Variants in SLCO1A2 observed in about 807,000 individuals in gnomAD.
SLCO1A2 encodes OATP-1.
SLCO1A2 carries 67 observed loss-of-function variants against 69.0 expected under a neutral mutation model. The observed-to-expected ratio is 0.97, with a 90% CI of 0.80 to 1.19. The LOEUF (loss-of-function observed/expected upper bound fraction) is 1.19, where lower values mean the gene tolerates loss of function less well. SLCO1A2 is among the 50% of genes most tolerant of loss of function. The pLI is 0.00. For missense variants in SLCO1A2, 787 were observed against 793.7 expected, an observed-to-expected ratio of 0.99 and a Z score of 0.10; for synonymous variants, 260 against 265.9, an observed-to-expected ratio of 0.98 and a Z score of 0.22.
At chr12:21,405,743 T>C (rs1377690099) in intron 1 of SLCO1A2, among the ~76,000 whole-genome samples, 1 of 152,170 alleles carries the variant, frequency 6.6e-6, no homozygotes, top group Admixed American at 6.5e-5. Flanking sequence ...CCTTACACCT[T>C]ATACAAAAAT....
At chr12:21,308,446 A>T (rs1466757918) in intron 4 of SLCO1A2, among the ~76,000 whole-genome samples, 2 of 152,240 alleles carry the variant, frequency 1.3e-5, no homozygotes. Flanking sequence ...AAAAGTGAGT[A>T]TGATCCAAAA....
intron 4 of SLCO1A2, among the ~76,000 whole-genome samples, chr12:21,312,736 G>T (rs1286299971): frequency 6.6e-6 from 1 of 152,026 alleles, no homozygotes; most frequent in African/African-American, 2.4e-5. Context: ...GGCAATGGCT[G>T]GTCAGTGGAG....
Position 21,295,655 on chromosome 12 carries a change from A to G in SLCO1A2, c.1213T>C (p.Ser405Pro). Residue 405 changes from serine (S) to proline (P), a missense_variant, in exon 10 of 15, where the codon TCT (serine) becomes CCT (proline). By Grantham distance (74) the Ser-to-Pro change is moderately conservative (BLOSUM62 -1). Transcript: ENST00000683939. ...GAATTTTCACAAGTCATGAGAAAAG[A>G]TAAAAAATAGAGAAGATACTCAAGT... ...SLLEYLLYFL[S>P]FLMTCENSSV... 2 of 1,606,644 alleles carry G rather than the reference A, an allele frequency of 1.2e-6. No homozygotes were observed. Among genetic ancestry groups the G allele is most frequent in the Non-Finnish European group, 1.7e-6 (2 of 1,173,492 alleles).
chr12:21,275,464 G>C (rs750087621), intron 12 of SLCO1A2, 40 bp from the exon 13 acceptor site: 1 of 1,388,364 alleles, frequency 7.2e-7, no homozygotes, highest in Admixed American at 2.9e-5. Context: ...GAAAAATAAA[G>C]ATTTAAAACT....
chr12:21,358,368 AAC>A (rs762598948), intron 2 of SLCO1A2, among the ~76,000 whole-genome samples: 1 of 152,206 alleles, frequency 6.6e-6, no homozygotes, highest in African/African-American at 2.4e-5. Context: ...CAGATTTTAA[AAC>A]ACATATTTTT....
chr12:21,361,870 A>G (rs1938923241), intron 2 of SLCO1A2, among the ~76,000 whole-genome samples: 1 of 152,192 alleles, frequency 6.6e-6, no homozygotes, highest in Non-Finnish European at 1.5e-5. Context: ...AAATGAACAA[A>G]GCCTCCAAGA....
rs765378488 is a variant in SLCO1A2 at position 21,334,636 on chromosome 12, A to G, written c.12T>C (p.Thr4=). MGE[T]EKRIETHRIR... Reference sequence around the variant, plus strand: ...TTCTATGGGTTTCAATTCTTTTCTCAGTTTCTCCCATGTTGCTCTTCAGGG... The same window carrying G: ...TTCTATGGGTTTCAATTCTTTTCTCGGTTTCTCCCATGTTGCTCTTCAGGG... The change falls in exon 2 of 15, where the codon ACT becomes ACC. Residue 4 remains threonine (T), a synonymous_variant. Transcript: ENST00000683939. The G allele has an allele frequency of 1.1e-5, 17 of 1,609,968 alleles. No individual in the cohort carries two copies. Among genetic ancestry groups the G allele is most frequent in the Non-Finnish European group, 2.5e-6 (3 of 1,177,700 alleles).
chr12:21,361,461 C>A (rs749545421), intron 2 of SLCO1A2, among the ~76,000 whole-genome samples: 16 of 152,158 alleles, frequency 1.1e-4, no homozygotes, highest in Non-Finnish European at 2.2e-4. Flanking sequence ...GCTGAAAATT[C>A]TAAAAATTAG....
Position 21,269,526 on chromosome 12 carries a change from A to G in SLCO1A2, c.*22T>C. 1 of 1,558,638 alleles carries G rather than the reference A, an allele frequency of 6.4e-7. No homozygotes were observed. The highest frequency in any genetic ancestry group is 8.8e-7 in the Non-Finnish European group (1 of 1,134,348). ...TGTACAGCATGTTCTCTAATTCTGA[A>G]AAAAGTAATATAATAGGACAATTAC... On this transcript the variant is annotated 3_prime_UTR_variant, in exon 15 of 15. Coordinates refer to ENST00000683939, the MANE Select transcript of SLCO1A2 (RefSeq NM_001386879.1).
At chr12:21,269,841 GTATTT>G (rs1942471428) in intron 14 of SLCO1A2, 74 bp from the exon 15 acceptor site, 5 of 1,178,676 alleles carry the variant, frequency 4.2e-6, no homozygotes, top group African/African-American at 1.6e-5. Context: ...GTATATCTTT[GTATTT>G]TATTCTGATA....
rs947790381 is a variant in SLCO1A2, at chr12:21,281,687, A to T, written c.1611-6263T>A. 3.9e-5 allele frequency among the ~76,000 whole-genome samples: 6 copies of T among 152,070 alleles called. No homozygotes were observed. In the South Asian group the frequency reaches 6.2e-4, roughly 16 times the overall value. On this transcript the variant is annotated intron_variant, in intron 12 of 14. Coordinates refer to ENST00000683939, the MANE Select transcript of SLCO1A2 (RefSeq NM_001386879.1). ...AAATAACTAGGAAAAAAGAGAGAAG[A>T]CTCAAATAAATAAAATCATATATGA...
intron 12 of SLCO1A2, among the ~76,000 whole-genome samples, chr12:21,285,529 A>G (rs2136225764): frequency 7.3e-6 from 1 of 137,804 alleles, no homozygotes; most frequent in Middle Eastern, 3.5e-3. Flanking sequence ...TCATTCTGAT[A>G]CCAAAGCCGG....
At chr12:21,278,364 G>C (rs552471708) in intron 12 of SLCO1A2, among the ~76,000 whole-genome samples, 2 of 152,030 alleles carry the variant, frequency 1.3e-5, no homozygotes, top group African/African-American at 4.8e-5. Flanking sequence ...ATTACCACTG[G>C]ATGATTGTAG....
At chr12:21,369,020 T>C (rs1241398414) in intron 2 of SLCO1A2, among the ~76,000 whole-genome samples, 2 of 152,098 alleles carry the variant, frequency 1.3e-5, no homozygotes, top group Non-Finnish European at 2.9e-5. Context: ...TAAAACTGTG[T>C]GGAGAGCAAA....
intron 2 of SLCO1A2, 105 bp from the exon 3 acceptor site, chr12:21,319,028 T>G (rs1951245052): frequency 1.2e-6 from 1 of 833,164 alleles, no homozygotes; most frequent in East Asian, 2.7e-5. Context: ...GTCTCCAACT[T>G]AAGTAACCTT....
chr12:21,324,293 T>TTC (rs990966874), intron 2 of SLCO1A2, among the ~76,000 whole-genome samples: 3 of 152,198 alleles, frequency 2.0e-5, no homozygotes, highest in Admixed American at 6.5e-5. Context: ...GAAACAATTT[T>TTC]TCTCTCTCTC....
In SLCO1A2 at chr12:21,283,938, G is replaced by A. The variant is rs116031769; in HGVS notation, c.1610+8226C>T. ...AATACTGGTGAGTATGTAGAGTAAA[G>A]GGAACCCTCCTACACTGTTGGTGGG... On this transcript the variant is annotated intron_variant, in intron 12 of 14. Coordinates refer to ENST00000683939, the MANE Select transcript of SLCO1A2 (RefSeq NM_001386879.1). Among the ~76,000 whole-genome samples, 992 of 152,198 alleles carry A rather than the reference G, an allele frequency of 6.5e-3. 14 individuals are homozygous for A. The highest frequency in any genetic ancestry group is 0.023 in the African/African-American group (951 of 41,522).
intron 3 of SLCO1A2, among the ~76,000 whole-genome samples, chr12:21,317,605 T>C (rs1410112413): frequency 6.6e-6 from 1 of 152,228 alleles, no homozygotes; most frequent in Admixed American, 6.5e-5. Flanking sequence ...ATTCGTGGGC[T>C]ATACATGGAG....
At chr12:21,396,424 T>C (rs1255936322), upstream of SLCO1A2, among the ~76,000 whole-genome samples, 1 of 147,764 alleles carries the variant, frequency 6.8e-6, no homozygotes, top group African/African-American at 2.5e-5. Flanking sequence ...ATGGGGAGAA[T>C]GGAACCAAGT....
Sources: gnomAD v4.1 joint callset for allele counts (sites outside exome capture counted in the v4.1 genomes callset) on GRCh38, gnomAD v4.1.1 for gene constraint, MANE v1.5 for transcripts, NCBI Gene and HGNC (gene_info 2026-07-23, HGNC 2026-07-21) for gene names.